The following ACOT1 variants were observed in gnomAD, a reference collection of about 807,000 sequenced individuals.
The protein encoded by ACOT1 is acyl-coenzyme A thioesterase 1.
Under a neutral mutation model 15.7 loss-of-function variants are expected in ACOT1, and 8 were observed. The observed-to-expected ratio is 0.51, with a 90% CI of 0.30 to 0.92. The LOEUF (loss-of-function observed/expected upper bound fraction) is 0.92. Ranked by LOEUF, ACOT1 falls within the 40% of genes least tolerant of loss-of-function variation. The probability of loss-of-function intolerance (pLI) is 0.06; values close to 1 mark genes in which losing one functional copy is unlikely to be tolerated. For synonymous variants in ACOT1, 67 were observed against 241.2 expected, an observed-to-expected ratio of 0.28 and a Z score of 6.69; for missense variants, 151 against 539.4, an observed-to-expected ratio of 0.28 and a Z score of 7.13.
chr14:73,498,190 G>A, the ACOT1 span: 760 of 1,613,748 alleles, frequency 4.7e-4, 1 homozygote, highest in Middle Eastern at 8.3e-4. Flanking sequence ...GGAGCAGCAC[G>A]TCTAGGAAGG....
chr14:73,499,129 G>C, the ACOT1 span: 2 of 1,614,076 alleles, frequency 1.2e-6, no homozygotes, highest in Non-Finnish European at 1.7e-6. Context: ...GGTTCAGGAG[G>C]CATTCAAGCA....
the ACOT1 span, chr14:73,491,625 C>T: frequency 2.6e-6 from 4 of 1,548,770 alleles, no homozygotes; most frequent in South Asian, 4.8e-5. Flanking sequence ...CGGCGAGCGG[C>T]CCGCCTCTTT....
chr14:73,539,107 C>T lies in ACOT1; in HGVS notation c.457+1229C>T, dbSNP rs1194867332. 6.1e-5 allele frequency: 7 copies of T among 115,114 alleles called. 2 individuals are homozygous for T. The highest frequency in any genetic ancestry group is 5.9e-4 in the Admixed American group (6 of 10,254). The allele number at this position is 115,114 out of a possible 1,614,324, so 7.1% of individuals were successfully genotyped here. ...TCCAACTGGTTTTCTCACTGTATTTCCATGGCAGCTAGGAGGTGCCAGGTG... is the reference window on the plus strand; with the variant it reads ...TCCAACTGGTTTTCTCACTGTATTTTCATGGCAGCTAGGAGGTGCCAGGTG... On this transcript the variant is annotated intron_variant, in intron 1 of 2. Transcript: ENST00000311148.
the ACOT1 span, chr14:73,492,468 T>C: frequency 6.2e-6 from 10 of 1,613,644 alleles, no homozygotes; most frequent in Non-Finnish European, 7.6e-6. This position sits in a 1 kb window ranked among gnomAD's most constrained non-coding sequence, Gnocchi z 4.9. Flanking sequence ...GTGCGGGTCT[T>C]GGTTGCCCGC....
chr14:73,505,342 C>A, the ACOT1 span, among the ~76,000 whole-genome samples: 1 of 152,018 alleles, frequency 6.6e-6, no homozygotes. Context: ...TCTTATTGTT[C>A]CTACCATAGT....
chr14:73,492,738 C>G, the ACOT1 span: 4 of 1,613,884 alleles, frequency 2.5e-6, no homozygotes, highest in Non-Finnish European at 2.5e-6. This position sits in a 1 kb window ranked among gnomAD's most constrained non-coding sequence, Gnocchi z 4.9. Flanking sequence ...GTGGAAAACT[C>G]CCGTGTGTAT....
the ACOT1 span, among the ~76,000 whole-genome samples, chr14:73,496,432 C>T: frequency 6.6e-5 from 10 of 152,162 alleles, no homozygotes; most frequent in Non-Finnish European, 1.5e-4. Flanking sequence ...GTAACCCAAT[C>T]TTGCACAGAT....
the ACOT1 span, chr14:73,508,374 G>A: frequency 8.1e-7 from 1 of 1,239,816 alleles, no homozygotes; most frequent in South Asian, 1.3e-5. Flanking sequence ...TGATACCCAA[G>A]GCTGCTACCC....
At chr14:73,491,525 C>T in the ACOT1 span, 1 of 1,523,622 alleles carries the variant, frequency 6.6e-7, no homozygotes, top group Non-Finnish European at 8.8e-7. Flanking sequence ...GGCGTCGGGG[C>T]CGCAGGTGGA....
the ACOT1 span, chr14:73,529,284 G>C: frequency 6.7e-6 from 1 of 149,682 alleles, no homozygotes; most frequent in Admixed American, 6.8e-5. Flanking sequence ...GAACCCAGGA[G>C]TCGGAGGTTG....
chr14:73,522,581 C>T, the ACOT1 span: 129 of 1,614,076 alleles, frequency 8.0e-5, no homozygotes, highest in Non-Finnish European at 1.0e-4. Context: ...AGGCAGAAGC[C>T]AGGCTTCTCT....
the ACOT1 span, chr14:73,503,037 G>T: frequency 5.9e-6 from 9 of 1,535,314 alleles, no homozygotes; most frequent in Non-Finnish European, 8.1e-6. Flanking sequence ...TGATCATTAG[G>T]TATCATCACT....
At chr14:73,502,046 A>AT in the ACOT1 span, among the ~76,000 whole-genome samples, 485 of 133,914 alleles carry the variant, frequency 3.6e-3, 2 homozygotes, top group East Asian at 0.012. Flanking sequence ...CGCCCGGCCA[A>AT]TTTTTTTTTT....
the ACOT1 span, chr14:73,492,703 G>T: frequency 1.1e-5 from 18 of 1,613,842 alleles, no homozygotes; most frequent in South Asian, 1.6e-4. The surrounding 1 kb of genome is among the most constrained non-coding windows in gnomAD (Gnocchi z 4.9). Flanking sequence ...TGGGTGAGGG[G>T]GGCCATTTGT....
chr14:73,492,887 A>C, the ACOT1 span: 2 of 1,613,770 alleles, frequency 1.2e-6, no homozygotes, highest in Non-Finnish European at 1.7e-6. This position sits in a 1 kb window ranked among gnomAD's most constrained non-coding sequence, Gnocchi z 4.9. Context: ...GTCCTTGGCA[A>C]CCACGTTGTA....
At chr14:73,514,723 G>C in the ACOT1 span, among the ~76,000 whole-genome samples, 3 of 152,058 alleles carry the variant, frequency 2.0e-5, no homozygotes, top group Non-Finnish European at 4.4e-5. Context: ...TTTTCCTCAA[G>C]ACAACAGAAA....
At chr14:73,527,680 GA>G in the ACOT1 span, among the ~76,000 whole-genome samples, 1 of 151,946 alleles carries the variant, frequency 6.6e-6, no homozygotes, top group Non-Finnish European at 1.5e-5. Flanking sequence ...CAGGTTATAT[GA>G]AAATACACAG....
At chr14:73,511,556 TAAATAAATAAAATA>T in the ACOT1 span, among the ~76,000 whole-genome samples, 3 of 98,106 alleles carry the variant, frequency 3.1e-5, no homozygotes, top group African/African-American at 1.1e-4. Context: ...AATAAATAAA[TAAATAAATAAAATA>T]AAATAAAAAA....
At chr14:73,527,961 CAAAAAAAAA>C in the ACOT1 span, among the ~76,000 whole-genome samples, 2 of 52,694 alleles carry the variant, frequency 3.8e-5, no homozygotes, top group African/African-American at 7.2e-5. Flanking sequence ...AACTCCATCT[CAAAAAAAAA>C]AAAAAAAAAA....
Sources: gnomAD v4.1 joint callset for allele counts (sites outside exome capture counted in the v4.1 genomes callset) on GRCh38, gnomAD v4.1.1 for gene constraint, Gnocchi (gnomAD v3.1) non-coding constraint, MANE v1.5 for transcripts, NCBI Gene and HGNC (gene_info 2026-07-23, HGNC 2026-07-21) for gene names.